DVL2: variants seen among roughly 807,000 people sequenced by gnomAD.
DVL2 encodes segment polarity protein dishevelled homolog DVL-2.
A neutral mutation model predicts 69.8 loss-of-function variants in DVL2; 38 were observed. The observed-to-expected ratio is 0.54, with a 90% CI of 0.42 to 0.71. The LOEUF is 0.71. DVL2 is among the 30% of genes least tolerant of loss of function. DVL2 has a pLI of 0.00. For synonymous variants in DVL2, 428 were observed against 392.4 expected, an observed-to-expected ratio of 1.09 and a Z score of -1.07; for missense variants, 931 against 1,008.1, an observed-to-expected ratio of 0.92 and a Z score of 1.04.
At chr17:7,226,705 T>C in intron 13 of DVL2, 66 bp from the exon 14 acceptor site, 1 of 1,260,648 alleles carries the variant, frequency 7.9e-7, no homozygotes, top group Non-Finnish European at 1.1e-6. Flanking sequence ...AGACACCGAA[T>C]GGAGAGGAAC....
At chr17:7,228,287 A>C (rs890364866) in intron 9 of DVL2, 1 of 365,190 alleles carries the variant, frequency 2.7e-6, no homozygotes, top group Non-Finnish European at 5.0e-6. Context: ...CCATTCACAG[A>C]AAGTCCAAAA....
Position 7,234,079 on chromosome 17 carries a change from G to A in DVL2, c.184C>T (p.Gln62Ter). 1.2e-6 allele frequency: 2 copies of A among 1,614,038 alleles called. No individual in the cohort carries two copies. Among genetic ancestry groups the A allele is most frequent in the Non-Finnish European group, 8.5e-7 (1 of 1,180,042 alleles). Residue 62 changes from glutamine (Q) to a stop codon, truncating the protein, a stop_gained, in exon 1 of 15, where the codon CAG becomes TAG. Coordinates refer to ENST00000005340, the MANE Select transcript of DVL2 (RefSeq NM_004422.3). LOFTEE classifies it high-confidence loss of function. ...GAKYFFKSMD[Q>*]DFGVVKEEIS... ...AGGCCTTGCGCTCACCCGAAATCCT[G>A]ATCCATAGACTTGAAAAAGTACTTG...
At position 7,230,066 on chromosome 17, in the gene DVL2, C is replaced by G; in HGVS notation, c.500G>C (p.Arg167Thr). 6 of 1,614,158 alleles carry G rather than the reference C, an allele frequency of 3.7e-6. No individual in the cohort carries two copies. Among genetic ancestry groups the G allele is most frequent in the Non-Finnish European group, 5.1e-6 (6 of 1,180,038 alleles). The change falls in exon 4 of 15, where the codon AGA becomes ACA. Residue 167 changes from arginine to threonine, a missense_variant. Physicochemically the swap from Arg to Thr is moderately conservative, Grantham distance 71. Coordinates refer to ENST00000005340, the MANE Select transcript of DVL2 (RefSeq NM_004422.3). ...VSLRRERPRR[R>T]DSSEHGAGGH... ...CTCACCGCCATGCTCACTGCTGTCT[C>G]TCCTGCGAGGCCGCTCCCGCCTCAG...
In DVL2 at chr17:7,229,305, C is replaced by T; in HGVS notation, c.818-31G>A. On this transcript the variant is annotated intron_variant, in intron 7 of 14. Coordinates refer to ENST00000005340, the MANE Select transcript of DVL2 (RefSeq NM_004422.3). This position sits in a 1 kb window ranked among gnomAD's most constrained non-coding sequence, Gnocchi z 4.4. ...GAGAGAGGCCATGTGAAAAGAGGAG[C>T]CCCTGCCACAGGACGCCCGGAACCC... The T allele has an allele frequency of 1.2e-6, 2 of 1,613,066 alleles. No individual in the cohort carries two copies. The highest frequency in any genetic ancestry group is 1.7e-6 in the Non-Finnish European group (2 of 1,179,526).
At chr17:7,228,172 G>A in intron 9 of DVL2, 128 bp from the exon 10 acceptor site, 2 of 741,828 alleles carry the variant, frequency 2.7e-6, no homozygotes, top group East Asian at 5.3e-5. Context: ...GGCTGGGCTA[G>A]AGAAGGTGAG....
chr17:7,229,769 G>C lies in DVL2; in HGVS notation c.656+39C>G. Reference sequence around the variant, plus strand: ...AAGAGGATTGACTGGAAGACGAGACGGGGCTGGGTGCGCTGGGGAGAGCTG... The same window carrying C: ...AAGAGGATTGACTGGAAGACGAGACCGGGCTGGGTGCGCTGGGGAGAGCTG... On this transcript the variant is annotated intron_variant, in intron 5 of 14. Coordinates refer to ENST00000005340, the MANE Select transcript of DVL2 (RefSeq NM_004422.3). The surrounding 1 kb of genome is among the most constrained non-coding windows in gnomAD (Gnocchi z 4.4). 6.3e-7 allele frequency: 1 copy of C among 1,593,650 alleles called. No individual in the cohort carries two copies. The highest frequency in any genetic ancestry group is 1.7e-4 in the Middle Eastern group (1 of 5,994).
chr17:7,233,087 CAAAAA>C lies in DVL2; in HGVS notation c.194+977_194+981del, dbSNP rs59984818. Reference sequence around the variant, plus strand: ...CCTGGGCGACAGAGCGAGACTGTCTCAAAAAAAAAAAAAAAAAAAAGCAGAGGTTG... The same window carrying C: ...CCTGGGCGACAGAGCGAGACTGTCTCAAAAAAAAAAAAAAAGCAGAGGTTG... On this transcript the variant is annotated intron_variant, in intron 1 of 14. Coordinates refer to ENST00000005340, the MANE Select transcript of DVL2 (RefSeq NM_004422.3). Among the ~76,000 whole-genome samples the C allele has an allele frequency of 2.1e-3, 75 of 36,294 alleles. 1 individual carries two copies. The highest frequency in any genetic ancestry group is 3.4e-3 in the Non-Finnish European group (56 of 16,270). The allele number at this position is 36,294 out of a possible 152,430, so 23.8% of individuals were successfully genotyped here. A position where few individuals can be genotyped will look rare whatever the true frequency, so the allele number is the denominator to read the frequency against.
At chr17:7,228,237 A>G (rs2071488140) in intron 9 of DVL2, 193 bp from the exon 10 acceptor site, 1 of 536,730 alleles carries the variant, frequency 1.9e-6, no homozygotes, top group South Asian at 2.7e-5. Flanking sequence ...TCTTAAAAAC[A>G]TACTGCCAAG....
At position 7,234,491 on chromosome 17, in the gene DVL2, G is replaced by C. The variant is rs767501551; in HGVS notation, c.-229C>G. On this transcript the variant is annotated 5_prime_UTR_variant, in exon 1 of 15. Transcript: ENST00000005340. ...GCGGCCGCCGCGCGCCACCGCCACCGACGCCGCGAGCTTCCTCCAGGTACC... is the reference window on the plus strand; with the variant it reads ...GCGGCCGCCGCGCGCCACCGCCACCCACGCCGCGAGCTTCCTCCAGGTACC... 1.8e-6 allele frequency: 1 copy of C among 541,894 alleles called. No individual in the cohort carries two copies. The highest frequency in any genetic ancestry group is 3.2e-6 in the Non-Finnish European group (1 of 314,462). 33.6% of individuals were successfully genotyped at this position (541,894 alleles called of 1,614,324 possible).
rs761361697 is a variant in DVL2, at chr17:7,227,071, T to C, written c.1543+19A>G. 1 of 1,591,604 alleles carries C rather than the reference T, an allele frequency of 6.3e-7. No homozygotes were observed. The highest frequency in any genetic ancestry group is 8.6e-7 in the Non-Finnish European group (1 of 1,167,312). On this transcript the variant is annotated intron_variant, in intron 13 of 14. Coordinates refer to ENST00000005340, the MANE Select transcript of DVL2 (RefSeq NM_004422.3). ...GGTAGGCAAAGCCACACTCCCAGAG[T>C]TGGGGCAGGGGGACTTACAGCTCTC... is the stretch of plus-strand genomic sequence containing the variant.
In DVL2 at chr17:7,230,890, G is replaced by A. The variant is rs572795958; in HGVS notation, c.195-93C>T. ...TTCTCCCAATCTTCACCTGGCTCCA[G>A]GATGTTGACTTTCTCCTGCCCTGTT... On this transcript the variant is annotated intron_variant, in intron 1 of 14. Coordinates refer to ENST00000005340, the MANE Select transcript of DVL2 (RefSeq NM_004422.3). 4.2e-5 allele frequency: 40 copies of A among 959,540 alleles called. No individual in the cohort carries two copies. The South Asian group carries it at 6.0e-4, about 14-fold the overall frequency. The allele number at this position is 959,540 out of a possible 1,614,324, so 59.4% of individuals were successfully genotyped here.
chr17:7,225,911 T>C lies in DVL2; in HGVS notation c.2165A>G (p.His722Arg). 2 of 1,613,934 alleles carry C rather than the reference T, an allele frequency of 1.2e-6. No individual in the cohort carries two copies. The highest frequency in any genetic ancestry group is 2.2e-5 in the East Asian group (1 of 44,864). ...PELTASRQSF[H>R]MAMGNPSEFF... ...CTCGCTGGGATTGCCCATGGCCATG[T>C]GGAAGCTTTGGCGGCTGGCTGTCAG... is the stretch of plus-strand genomic sequence containing the variant. Residue 722 changes from histidine (H) to arginine (R), a missense_variant, in exon 15 of 15, where the codon CAC (histidine) becomes CGC (arginine). By Grantham distance (29) the His-to-Arg change is conservative (BLOSUM62 0). This residue lies in a region of DVL2 where 314 missense variants were observed against 313.7 expected (regional missense o/e 1.00). Coordinates refer to ENST00000005340, the MANE Select transcript of DVL2 (RefSeq NM_004422.3).
rs769657194 is a variant in DVL2 at position 7,229,961 on chromosome 17, G to C, written c.521-18C>G. 1.9e-6 allele frequency: 3 copies of C among 1,608,014 alleles called. No homozygotes were observed. Among genetic ancestry groups the C allele is most frequent in the Non-Finnish European group, 2.5e-6 (3 of 1,179,686 alleles). On this transcript the variant is annotated intron_variant, in intron 4 of 14. Transcript: ENST00000005340. This position sits in a 1 kb window ranked among gnomAD's most constrained non-coding sequence, Gnocchi z 4.4. Reference sequence around the variant, plus strand: ...GCCCCCAGCTACATATGGACAGGAAGCTCAAGAACCAAGCTTCCCCCTGCT... The same window carrying C: ...GCCCCCAGCTACATATGGACAGGAACCTCAAGAACCAAGCTTCCCCCTGCT...
chr17:7,228,579 T>G (rs1048333753), intron 9 of DVL2: 2 of 224,730 alleles, frequency 8.9e-6, no homozygotes, highest in African/African-American at 4.6e-5. Flanking sequence ...CGTTATGTCT[T>G]AGCACTTTTT....
chr17:7,225,504 G>A lies in DVL2; in HGVS notation c.*361C>T, dbSNP rs182308682. 5 of 423,220 alleles carry A rather than the reference G, an allele frequency of 1.2e-5. No individual in the cohort carries two copies. In the East Asian group the frequency reaches 2.6e-4, roughly 22 times the overall value. The allele number at this position is 423,220 out of a possible 1,614,324, so 26.2% of individuals were successfully genotyped here. The stretch of plus-strand genomic sequence containing the variant: ...ACCACCCCCAACCCTGCAAAGGGCA[G>A]GGCTGTGGGTAACTGGAGGAGGAGG... On this transcript the variant is annotated 3_prime_UTR_variant, in exon 15 of 15. Coordinates refer to ENST00000005340, the MANE Select transcript of DVL2 (RefSeq NM_004422.3).
intron 1 of DVL2, among the ~76,000 whole-genome samples, chr17:7,233,769 G>A (rs747445531): frequency 2.6e-5 from 4 of 152,270 alleles, no homozygotes; most frequent in Middle Eastern, 3.4e-3. Context: ...CCAGACAATG[G>A]ATCAATTTAC....
In DVL2 at chr17:7,229,789, G is replaced by A. The variant is rs781503849; in HGVS notation, c.656+19C>T. ...GAGACGGGGCTGGGTGCGCTGGGGA[G>A]AGCTGTGCGGAGCCACACCTGCTCA... is the stretch of plus-strand genomic sequence containing the variant. On this transcript the variant is annotated intron_variant, in intron 5 of 14. Transcript: ENST00000005340. The surrounding 1 kb of genome is among the most constrained non-coding windows in gnomAD (Gnocchi z 4.4). 3 of 1,605,754 alleles carry A rather than the reference G, an allele frequency of 1.9e-6. No homozygotes were observed. The highest frequency in any genetic ancestry group is 2.7e-5 in the African/African-American group (2 of 74,776).
In DVL2 at chr17:7,230,064, C is replaced by A; in HGVS notation, c.502G>T (p.Asp168Tyr). Residue 168 changes from aspartate to tyrosine, a missense_variant, in exon 4 of 15, where the codon GAC (aspartate) becomes TAC (tyrosine). Around this residue, in one of 3 missense-constraint regions of DVL2, gnomAD observed 555 missense variants for 588.8 expected, o/e 0.94. Transcript: ENST00000005340. ...CCCTCACCGCCATGCTCACTGCTGT[C>A]TCTCCTGCGAGGCCGCTCCCGCCTC... The part of the protein sequence containing the change: ...SLRRERPRRR[D>Y]SSEHGAGGHR... 6.2e-7 allele frequency: 1 copy of A among 1,614,130 alleles called. No individual in the cohort carries two copies. The highest frequency in any genetic ancestry group is 1.3e-5 in the African/African-American group (1 of 75,068).
In DVL2 at chr17:7,230,434, G is replaced by T; in HGVS notation, c.265-4C>A. ...GGGGATTATCTGAGGACACCAGCTAGAAGGGTGCAAATGATAAACAGTGGC... is the reference window on the plus strand; with the variant it reads ...GGGGATTATCTGAGGACACCAGCTATAAGGGTGCAAATGATAAACAGTGGC... On this transcript the variant is annotated splice_polypyrimidine_tract_variant and splice_region_variant and intron_variant, in intron 2 of 14. Coordinates refer to ENST00000005340, the MANE Select transcript of DVL2 (RefSeq NM_004422.3). 1 of 1,614,042 alleles carries T rather than the reference G, an allele frequency of 6.2e-7. No individual in the cohort carries two copies. Among genetic ancestry groups the T allele is most frequent in the Non-Finnish European group, 8.5e-7 (1 of 1,179,944 alleles).
Sources: gnomAD v4.1 joint callset for allele counts (sites outside exome capture counted in the v4.1 genomes callset) on GRCh38, gnomAD v4.1.1 for gene constraint, gnomAD v4.1.1 regional missense constraint, Gnocchi (gnomAD v3.1) non-coding constraint, MANE v1.5 for transcripts, NCBI Gene and HGNC (gene_info 2026-07-23, HGNC 2026-07-21) for gene names.